The following GMDS variants were observed in gnomAD, a reference collection of about 807,000 sequenced individuals.
The protein encoded by GMDS is GDP-mannose 4,6-dehydratase, also known as GDP-mannose 4,6 dehydratase.
Under a neutral mutation model 49.9 loss-of-function variants are expected in GMDS, and 20 were observed. That is an observed-to-expected ratio of 0.40 (90% CI 0.28 to 0.58). The LOEUF is 0.58. GMDS is among the 20% of genes least tolerant of loss of function. The pLI, the probability that GMDS is intolerant of heterozygous loss-of-function variation, is 0.42. For missense variants in GMDS, 362 were observed against 481.4 expected (o/e 0.75, Z 2.32); for synonymous variants, 177 against 178.6 (o/e 0.99, Z 0.07).
At chr6:1,976,293 G>A (rs1202593349) in intron 4 of GMDS, among the ~76,000 whole-genome samples, 1 of 152,200 alleles carries the variant, frequency 6.6e-6, no homozygotes, top group Admixed American at 6.5e-5. Flanking sequence ...TTTGGAGGAG[G>A]CCAATCTCTT....
At chr6:1,956,278 G>A (rs928467761) in intron 6 of GMDS, among the ~76,000 whole-genome samples, 2 of 152,270 alleles carry the variant, frequency 1.3e-5, no homozygotes, top group Admixed American at 6.5e-5. Context: ...GATGAAAGCA[G>A]CCATAGATGA....
chr6:1,909,135 A>G (rs1760923066), intron 7 of GMDS, among the ~76,000 whole-genome samples: 1 of 152,216 alleles, frequency 6.6e-6, no homozygotes, highest in African/African-American at 2.4e-5. Context: ...CATATCATAC[A>G]TCTTGATGAA....
rs564019819 is a variant in GMDS at position 1,867,342 on chromosome 6, C to T, written c.771+62761G>A. Among the ~76,000 whole-genome samples, 324 of 152,244 alleles carry T rather than the reference C, an allele frequency of 2.1e-3. 1 individual carries two copies. Among genetic ancestry groups the T allele is most frequent in the African/African-American group, 7.3e-3 (305 of 41,560 alleles). ...TTCCTTTGTGAAATATTAACGAAAA[C>T]ATATTTTACTTATACTACTACAGGG... is the stretch of plus-strand genomic sequence containing the variant. On this transcript the variant is annotated intron_variant, in intron 7 of 10. Transcript: ENST00000380815.
intron 4 of GMDS, among the ~76,000 whole-genome samples, chr6:2,099,042 C>T (rs1457726686): frequency 1.3e-5 from 2 of 152,050 alleles, no homozygotes; most frequent in African/African-American, 4.8e-5. Flanking sequence ...TGGGATACTA[C>T]AATACTGTCG....
intron 4 of GMDS, among the ~76,000 whole-genome samples, chr6:1,974,156 A>C (rs1764767706): frequency 6.6e-6 from 1 of 152,190 alleles, no homozygotes; most frequent in South Asian, 2.1e-4. Flanking sequence ...TATTAAAAAA[A>C]AAAAACCTAA....
At chr6:2,189,270 AAAC>A (rs1186668899) in intron 1 of GMDS, among the ~76,000 whole-genome samples, 1 of 152,220 alleles carries the variant, frequency 6.6e-6, no homozygotes, top group Non-Finnish European at 1.5e-5. Context: ...TTAGCCAAGC[AAAC>A]AACAGAGGTA....
At chr6:2,219,315 G>A (rs748433162) in intron 1 of GMDS, among the ~76,000 whole-genome samples, 3 of 152,158 alleles carry the variant, frequency 2.0e-5, no homozygotes, top group Non-Finnish European at 4.4e-5. Context: ...AGAAACTTGA[G>A]TCCTACAGAA....
intron 6 of GMDS, among the ~76,000 whole-genome samples, chr6:1,953,664 A>G (rs1763477055): frequency 3.3e-5 from 5 of 152,184 alleles, no homozygotes; most frequent in Admixed American, 3.3e-4. Context: ...TTTACCTCCT[A>G]ATGTAATAAA....
chr6:2,102,876 T>C (rs1774006585), intron 4 of GMDS, among the ~76,000 whole-genome samples: 1 of 152,216 alleles, frequency 6.6e-6, no homozygotes, highest in Non-Finnish European at 1.5e-5. Context: ...TGCAAGATTA[T>C]GTGTTTAGAC....
At chr6:2,112,842 A>G (rs1774626109) in intron 4 of GMDS, among the ~76,000 whole-genome samples, 1 of 151,920 alleles carries the variant, frequency 6.6e-6, no homozygotes, top group Non-Finnish European at 1.5e-5. Context: ...CTGCCATGGC[A>G]CAATCCCACC....
intron 1 of GMDS, among the ~76,000 whole-genome samples, chr6:2,241,182 C>T (rs1581849005): frequency 6.6e-6 from 1 of 152,188 alleles, no homozygotes; most frequent in Admixed American, 6.5e-5. Flanking sequence ...CTGGAACGTC[C>T]TACATGCTGC....
In GMDS at chr6:2,167,282, T is replaced by C. The variant is rs902439058; in HGVS notation, c.103-42551A>G. On this transcript the variant is annotated intron_variant, in intron 1 of 10. Coordinates refer to ENST00000380815, the MANE Select transcript of GMDS (RefSeq NM_001500.4). ...AGATGTCTCCTCTATACCCACCAAT[T>C]AGTCAATACATTCTATCTATTCTGT... 2.0e-5 allele frequency among the ~76,000 whole-genome samples: 3 copies of C among 152,246 alleles called. No individual in the cohort carries two copies. In the East Asian group the frequency reaches 5.8e-4, roughly 29 times the overall value.
chr6:1,953,997 A>G (rs1763500331), intron 6 of GMDS, among the ~76,000 whole-genome samples: 1 of 152,156 alleles, frequency 6.6e-6, no homozygotes, highest in South Asian at 2.1e-4. Flanking sequence ...AATAAACAAA[A>G]CCTTTTTCCC....
intron 6 of GMDS, among the ~76,000 whole-genome samples, chr6:1,959,294 T>C (rs1235224688): frequency 6.6e-6 from 1 of 152,204 alleles, no homozygotes; most frequent in African/African-American, 2.4e-5. Flanking sequence ...TCTGATTTGA[T>C]CACTACACAT....
At chr6:1,799,523 C>T (rs777467338) in intron 7 of GMDS, among the ~76,000 whole-genome samples, 43 of 152,062 alleles carry the variant, frequency 2.8e-4, no homozygotes, top group African/African-American at 9.7e-4. Context: ...TCATTATTAT[C>T]GAAATAGGTG....
intron 1 of GMDS, among the ~76,000 whole-genome samples, chr6:2,154,993 T>C (rs1777039419): frequency 6.6e-6 from 1 of 151,826 alleles, no homozygotes; most frequent in African/African-American, 2.4e-5. Context: ...TTAAGGCTAA[T>C]ATTCAACCTT....
At chr6:1,982,547 T>G (rs1033095991) in intron 4 of GMDS, among the ~76,000 whole-genome samples, 2 of 151,824 alleles carry the variant, frequency 1.3e-5, no homozygotes, top group African/African-American at 4.8e-5. Flanking sequence ...TCAGGATCAC[T>G]GTGCAAAAAC....
At chr6:2,093,928 G>T (rs1184236620) in intron 4 of GMDS, among the ~76,000 whole-genome samples, 1 of 152,176 alleles carries the variant, frequency 6.6e-6, no homozygotes, top group African/African-American at 2.4e-5. Context: ...CAGTGCTTAT[G>T]GTGGGAGACA....
chr6:1,652,444 T>TATATATAA (rs1245196327), intron 9 of GMDS, among the ~76,000 whole-genome samples: 1 of 12,440 alleles, frequency 8.0e-5, no homozygotes, highest in African/African-American at 3.1e-4. Flanking sequence ...TTATATATAT[T>TATATATAA]TATATATTAT....
Sources: allele counts gnomAD v4.1 joint callset (sites outside exome capture counted in the v4.1 genomes callset), GRCh38; gene constraint gnomAD v4.1.1; transcripts MANE v1.5; gene names NCBI Gene and HGNC (gene_info 2026-07-23, HGNC 2026-07-21).